Variants in LDLRAD3 observed in about 807,000 individuals in gnomAD.
LDLRAD3 encodes low-density lipoprotein receptor class A domain-containing protein 3.
In LDLRAD3, 20 loss-of-function variants were observed where a neutral mutation model predicts 29.4. That is an observed-to-expected ratio of 0.68 (90% confidence interval 0.48 to 0.99). The LOEUF is 0.99. Ranked by LOEUF, LDLRAD3 falls within the 50% of genes least tolerant of loss-of-function variation. The probability of loss-of-function intolerance (pLI) is 0.00; values close to 1 mark genes in which losing one functional copy is unlikely to be tolerated. For synonymous variants in LDLRAD3, 157 were observed against 192.7 expected (o/e 0.81, Z 1.53); for missense variants, 420 against 454.3 (o/e 0.92, Z 0.69).
intron 5 of LDLRAD3, 85 bp downstream of exon 5, chr11:36,227,515 T>C: frequency 1.9e-6 from 2 of 1,067,072 alleles, no homozygotes. Flanking sequence ...GGTTCTTAGG[T>C]CTTGCCAAGA....
intron 4 of LDLRAD3, among the ~76,000 whole-genome samples, chr11:36,120,023 G>C (rs548334484): frequency 6.6e-6 from 1 of 152,130 alleles, no homozygotes; most frequent in Non-Finnish European, 1.5e-5. Context: ...TGGGAGTTAC[G>C]CATCATTCTT....
chr11:36,179,603 G>C (rs1405126641), intron 4 of LDLRAD3, among the ~76,000 whole-genome samples: 2 of 152,192 alleles, frequency 1.3e-5, no homozygotes, highest in African/African-American at 4.8e-5. Context: ...TTTGAATCCA[G>C]TTCTTCAGTT....
chr11:36,146,002 T>TAAAAAA (rs367591997), intron 4 of LDLRAD3, among the ~76,000 whole-genome samples: 16 of 138,524 alleles, frequency 1.2e-4, no homozygotes, highest in Admixed American at 1.4e-4. Context: ...GAATGATCAA[T>TAAAAAA]AAAAAAAAGA....
rs543738383 is a variant in LDLRAD3, at chr11:36,191,443, TGAGATTG to T, written c.455-35638_455-35632del. 3.3e-5 allele frequency among the ~76,000 whole-genome samples: 5 copies of T among 151,430 alleles called. No individual in the cohort carries two copies. In the South Asian group the frequency reaches 1.0e-3, roughly 32 times the overall value. Reference sequence around the variant, plus strand: ...TTACAATCCCAGCTACTCCAGAGGCTGAGATTGGAGGATTGCTTGAACCCAGGAGTTT... The same window carrying T: ...TTACAATCCCAGCTACTCCAGAGGCTGAGGATTGCTTGAACCCAGGAGTTT... On this transcript the variant is annotated intron_variant, in intron 4 of 5. Transcript: ENST00000315571.
In LDLRAD3 at chr11:36,050,318, T is replaced by C. The variant is rs77747319; in HGVS notation, c.193+14069T>C. Among the ~76,000 whole-genome samples, 888 of 152,314 alleles carry C rather than the reference T, an allele frequency of 5.8e-3. 7 individuals are homozygous for C. The highest frequency in any genetic ancestry group is 0.02 in the African/African-American group (848 of 41,564). ...CCCATCACCGTCACTCTGCTGCATGTCTGTAGACCTTGTCCTGTTGAGCCC... is the reference window on the plus strand; with the variant it reads ...CCCATCACCGTCACTCTGCTGCATGCCTGTAGACCTTGTCCTGTTGAGCCC... On this transcript the variant is annotated intron_variant, in intron 2 of 5. Transcript: ENST00000315571.
chr11:36,208,383 C>T (rs767264591), intron 4 of LDLRAD3, among the ~76,000 whole-genome samples: 7 of 152,176 alleles, frequency 4.6e-5, no homozygotes, highest in East Asian at 1.9e-4. Context: ...AGCCATCTAG[C>T]GAGGGCTGCT....
chr11:36,056,220 C>G (rs954666575), intron 2 of LDLRAD3, among the ~76,000 whole-genome samples: 1 of 152,062 alleles, frequency 6.6e-6, no homozygotes, highest in African/African-American at 2.4e-5. Flanking sequence ...GTCTCGAACT[C>G]CTGACTTTGT....
chr11:36,021,357 G>T (rs1852092613), intron 1 of LDLRAD3, among the ~76,000 whole-genome samples: 1 of 152,210 alleles, frequency 6.6e-6, no homozygotes, highest in Non-Finnish European at 1.5e-5. Context: ...CTTCCGAGAT[G>T]ACTGAGAAGG....
intron 1 of LDLRAD3, among the ~76,000 whole-genome samples, chr11:36,032,896 CAG>C (rs1292610181): frequency 6.6e-6 from 1 of 150,852 alleles, no homozygotes; most frequent in Non-Finnish European, 1.5e-5. Context: ...TTTTTTTAGA[CAG>C]AGTTTTGCTC....
chr11:36,021,809 AT>A (rs1360102144), intron 1 of LDLRAD3, among the ~76,000 whole-genome samples: 1 of 151,960 alleles, frequency 6.6e-6, no homozygotes, highest in Admixed American at 6.6e-5. Flanking sequence ...TGCCTGGCTA[AT>A]TTTTAATTCT....
intron 1 of LDLRAD3, among the ~76,000 whole-genome samples, chr11:35,948,437 C>CGTGTGTGTGT (rs140009978): frequency 2.7e-5 from 4 of 147,188 alleles, no homozygotes; most frequent in Non-Finnish European, 4.5e-5. Flanking sequence ...GTTGGCTGAT[C>CGTGTGTGTGT]GTGTGTGTGT....
At chr11:36,105,798 G>A (rs79207374) in intron 4 of LDLRAD3, among the ~76,000 whole-genome samples, 142 of 152,280 alleles carry the variant, frequency 9.3e-4, no homozygotes, top group Middle Eastern at 3.4e-3. Flanking sequence ...CCTCTGGAAC[G>A]AGGAGACAAT....
rs558937734 is a variant in LDLRAD3, at chr11:36,170,603, C to T, written c.455-56482C>T. On this transcript the variant is annotated intron_variant, in intron 4 of 5. Coordinates refer to ENST00000315571, the MANE Select transcript of LDLRAD3 (RefSeq NM_174902.4). The stretch of plus-strand genomic sequence containing the variant: ...CATATTGTTTTCCATAGTGGTTGTA[C>T]TAGTTTACATTCCTACCAGCGATAT... Among the ~76,000 whole-genome samples the T allele has an allele frequency of 4.6e-5, 7 of 152,094 alleles. No homozygotes were observed. The South Asian group carries it at 1.5e-3, about 32-fold the overall frequency.
intron 2 of LDLRAD3, among the ~76,000 whole-genome samples, chr11:36,060,756 A>G (rs1443592874): frequency 2.0e-5 from 3 of 152,204 alleles, no homozygotes; most frequent in Non-Finnish European, 1.5e-5. Context: ...TTTTGGTCAC[A>G]AGGAAACTCA....
intron 4 of LDLRAD3, among the ~76,000 whole-genome samples, chr11:36,111,771 T>C (rs2133287518): frequency 6.6e-6 from 1 of 152,280 alleles, no homozygotes; most frequent in South Asian, 2.1e-4. Context: ...GGCTAATTTT[T>C]ATGTTTTTAG....
chr11:35,953,234 G>A (rs997061606), intron 1 of LDLRAD3, among the ~76,000 whole-genome samples: 1 of 152,284 alleles, frequency 6.6e-6, no homozygotes, highest in Admixed American at 6.5e-5. Context: ...AGACGATGTT[G>A]TCTCTGTCCT....
intron 4 of LDLRAD3, among the ~76,000 whole-genome samples, chr11:36,173,847 AATT>A (rs1854633308): frequency 2.0e-5 from 1 of 49,412 alleles, no homozygotes; most frequent in Non-Finnish European, 9.7e-5. Context: ...TTCTTCACAG[AATT>A]GGAAAAAAAC....
intron 4 of LDLRAD3, among the ~76,000 whole-genome samples, chr11:36,142,267 C>T (rs778960961): frequency 1.3e-4 from 20 of 152,208 alleles, no homozygotes; most frequent in Non-Finnish European, 2.6e-4. Context: ...AGACTGCAGT[C>T]TCCCTCATTC....
chr11:36,023,097 TAC>T (rs780725857), intron 1 of LDLRAD3, among the ~76,000 whole-genome samples: 9 of 152,204 alleles, frequency 5.9e-5, no homozygotes, highest in Non-Finnish European at 1.3e-4. Context: ...TGGATTAAGC[TAC>T]TTAAGAAAAT....
Sources: allele counts gnomAD v4.1 joint callset (sites outside exome capture counted in the v4.1 genomes callset), GRCh38; gene constraint gnomAD v4.1.1; transcripts MANE v1.5; gene names NCBI Gene and HGNC (gene_info 2026-07-23, HGNC 2026-07-21).